The following GPHN variants were observed in gnomAD, a reference collection of about 807,000 sequenced individuals.
The protein encoded by GPHN is gephyrin.
GPHN carries 17 observed loss-of-function variants against 95.5 expected under a neutral mutation model. The observed-to-expected ratio is 0.18, with a 90% CI of 0.12 to 0.27. The LOEUF (loss-of-function observed/expected upper bound fraction) is 0.27, where lower values mean the gene tolerates loss of function less well. Ranked by LOEUF, GPHN falls within the 10% of genes least tolerant of loss-of-function variation. The pLI is 1.00. For synonymous variants in GPHN, 320 were observed against 322.5 expected, an observed-to-expected ratio of 0.99 and a Z score of 0.08; for missense variants, 660 against 978.1, an observed-to-expected ratio of 0.67 and a Z score of 4.34.
chr14:66,530,008 G>A (rs911855827), intron 1 of GPHN, among the ~76,000 whole-genome samples: 5 of 152,144 alleles, frequency 3.3e-5, no homozygotes, highest in African/African-American at 9.6e-5. Flanking sequence ...TTCAGAGCTG[G>A]CAGGCAGGGA....
intron 3 of GPHN, among the ~76,000 whole-genome samples, chr14:66,780,964 T>A (rs1417296171): frequency 1.3e-5 from 2 of 152,234 alleles, no homozygotes; most frequent in Non-Finnish European, 2.9e-5. Flanking sequence ...TATGCATATG[T>A]ATTTTTGTTA....
At chr14:67,260,824 G>A in the GPHN span, among the ~76,000 whole-genome samples, 32 of 152,094 alleles carry the variant, frequency 2.1e-4, no homozygotes, top group Non-Finnish European at 3.8e-4. Context: ...AAAGGAGGTG[G>A]GAAATTGCAG....
the GPHN span, among the ~76,000 whole-genome samples, chr14:67,536,600 T>C: frequency 3.3e-5 from 5 of 151,944 alleles, no homozygotes; most frequent in East Asian, 5.8e-4. Context: ...ACCTCTTTCT[T>C]TTAGGGTCCT....
intron 9 of GPHN, among the ~76,000 whole-genome samples, chr14:67,002,891 C>T (rs901053718): frequency 2.3e-4 from 35 of 151,468 alleles, no homozygotes; most frequent in African/African-American, 8.0e-4. Context: ...GAGTAAAATA[C>T]GTTTTATGTA....
the GPHN span, chr14:67,645,864 A>G: frequency 2.5e-6 from 4 of 1,570,364 alleles, no homozygotes; most frequent in Non-Finnish European, 3.5e-6. Flanking sequence ...GAGTTGGTCT[A>G]GTTCAGTTAA....
rs151200331 is a variant in GPHN, at chr14:66,663,241, C to G, written c.65-17866C>G. On this transcript the variant is annotated intron_variant, in intron 1 of 22. Transcript: ENST00000478722. ...CAGCCAGAGAGAAAGGCCAGGCAAC[C>G]TACAAAGGGAAGACCATCTGACTAA... Among the ~76,000 whole-genome samples the G allele has an allele frequency of 3.0e-3, 456 of 152,226 alleles. 3 individuals are homozygous for G. Among genetic ancestry groups the G allele is most frequent in the African/African-American group, 0.011 (438 of 41,532 alleles).
chr14:67,204,953 A>G, the GPHN span: 51 of 1,607,136 alleles, frequency 3.2e-5, no homozygotes, highest in Non-Finnish European at 4.1e-5. Context: ...GAGGTCCCGG[A>G]TGTAAGAATT....
the GPHN span, among the ~76,000 whole-genome samples, chr14:67,670,852 C>T: frequency 6.6e-6 from 1 of 152,090 alleles, no homozygotes; most frequent in African/African-American, 2.4e-5. Context: ...GGTAAGAACT[C>T]TGGAAGTCCT....
At chr14:67,382,740 G>A in the GPHN span, 18 of 807,718 alleles carry the variant, frequency 2.2e-5, no homozygotes, top group South Asian at 8.4e-5. Context: ...GTCACCCCCC[G>A]TCCCCAGCCA....
intron 10 of GPHN, among the ~76,000 whole-genome samples, chr14:67,036,840 T>C (rs1437848202): frequency 2.0e-5 from 3 of 151,908 alleles, no homozygotes; most frequent in Non-Finnish European, 2.9e-5. Flanking sequence ...CACAATATTG[T>C]TAAAATATCC....
At chr14:67,353,470 A>C in the GPHN span, among the ~76,000 whole-genome samples, 16 of 152,008 alleles carry the variant, frequency 1.1e-4, no homozygotes, top group Non-Finnish European at 2.2e-4. Flanking sequence ...AGATAGTAGC[A>C]AGACTCCTTT....
chr14:66,576,404 T>G (rs1211983137), intron 1 of GPHN, among the ~76,000 whole-genome samples: 1 of 152,056 alleles, frequency 6.6e-6, no homozygotes, highest in African/African-American at 2.4e-5. Context: ...AGAAAGGGAC[T>G]CAGAGTCAGC....
chr14:67,627,635 C>G, the GPHN span, among the ~76,000 whole-genome samples: 2 of 152,174 alleles, frequency 1.3e-5, no homozygotes, highest in African/African-American at 4.8e-5. Context: ...GCCATTCACA[C>G]TCTTCTATTA....
the GPHN span, chr14:67,471,167 C>T: frequency 2.6e-5 from 4 of 152,238 alleles, no homozygotes; most frequent in Non-Finnish European, 5.9e-5. Context: ...ACCTCCTGCA[C>T]TTGGGAAAGT....
At chr14:67,489,531 CT>C in the GPHN span, among the ~76,000 whole-genome samples, 35 of 152,330 alleles carry the variant, frequency 2.3e-4, no homozygotes, top group African/African-American at 8.2e-4. Context: ...GCACTGTCAT[CT>C]CTCCTGCCCT....
At chr14:66,686,818 T>C (rs1363822965) in intron 2 of GPHN, among the ~76,000 whole-genome samples, 2 of 152,218 alleles carry the variant, frequency 1.3e-5, no homozygotes, top group Admixed American at 1.3e-4. Flanking sequence ...AGGGCATCCC[T>C]GTCTTGTGCC....
chr14:66,841,029 A>G (rs200780457), intron 4 of GPHN, among the ~76,000 whole-genome samples: 9 of 124,072 alleles, frequency 7.3e-5, no homozygotes, highest in South Asian at 2.7e-4. Flanking sequence ...ATAGATATAG[A>G]TATAGGTATA....
At chr14:66,600,325 G>T (rs946686457) in intron 1 of GPHN, among the ~76,000 whole-genome samples, 1 of 151,992 alleles carries the variant, frequency 6.6e-6, no homozygotes, top group Non-Finnish European at 1.5e-5. Flanking sequence ...CAATAAAATT[G>T]TAATGGTAGT....
At chr14:67,258,263 C>T in the GPHN span, among the ~76,000 whole-genome samples, 36 of 152,108 alleles carry the variant, frequency 2.4e-4, no homozygotes, top group East Asian at 2.3e-3. Context: ...GGCCAGGCAC[C>T]GTGGCTCACT....
Sources: gnomAD v4.1 joint callset for allele counts (sites outside exome capture counted in the v4.1 genomes callset) on GRCh38, gnomAD v4.1.1 for gene constraint, MANE v1.5 for transcripts, NCBI Gene and HGNC (gene_info 2026-07-23, HGNC 2026-07-21) for gene names.